The following FAM117B variants were observed in gnomAD, a reference collection of about 807,000 sequenced individuals.
FAM117B encodes family with sequence similarity 117 member B, also known as protein FAM117B.
In FAM117B, 22 loss-of-function variants were observed where a neutral mutation model predicts 52.8. The observed-to-expected ratio is 0.42, with a 90% CI of 0.30 to 0.59. The LOEUF (loss-of-function observed/expected upper bound fraction) is 0.59, where lower values mean the gene tolerates loss of function less well. Among genes scored for constraint, FAM117B ranks in the 20% least tolerant of loss-of-function variants. FAM117B has a pLI of 0.22. For missense variants in FAM117B, 678 were observed against 802.6 expected, an observed-to-expected ratio of 0.84 and a Z score of 1.88; for synonymous variants, 309 against 324.1, an observed-to-expected ratio of 0.95 and a Z score of 0.50.
chr2:202,735,909 T>C (rs1447937400), intron 4 of FAM117B, among the ~76,000 whole-genome samples: 2 of 152,322 alleles, frequency 1.3e-5, no homozygotes, highest in South Asian at 2.1e-4. Flanking sequence ...ACATTAGATA[T>C]ATCTCCTAAT....
chr2:202,742,841 C>T (rs900369583), intron 4 of FAM117B, among the ~76,000 whole-genome samples: 3 of 152,172 alleles, frequency 2.0e-5, no homozygotes, highest in Admixed American at 2.0e-4. Context: ...ATGCACCCTC[C>T]AGTGGCATAA....
chr2:202,652,854 T>A (rs908039958), intron 1 of FAM117B, among the ~76,000 whole-genome samples: 2 of 152,180 alleles, frequency 1.3e-5, no homozygotes, highest in African/African-American at 4.8e-5. Flanking sequence ...GCAGTTAAAC[T>A]TTTTTACCCG....
rs560414099 is a variant in FAM117B, at chr2:202,736,400, G to GTCGAAGGCCACATGGTGGTCTGGAT, written c.960+10039_960+10040insGAAGGCCACATGGTGGTCTGGATTC. Among the ~76,000 whole-genome samples, 271 of 152,296 alleles carry GTCGAAGGCCACATGGTGGTCTGGAT rather than the reference G, an allele frequency of 1.8e-3. 1 individual carries two copies. Among genetic ancestry groups the GTCGAAGGCCACATGGTGGTCTGGAT allele is most frequent in the African/African-American group, 6.4e-3 (266 of 41,566 alleles). On this transcript the variant is annotated intron_variant, in intron 4 of 7. Coordinates refer to ENST00000392238, the MANE Select transcript of FAM117B (RefSeq NM_173511.4). ...AATGAAGGCCACATGGTGGTCTGGA[G>GTCGAAGGCCACATGGTGGTCTGGAT]TCAAAGGCCCTTAAGATTGGAAAGC...
At chr2:202,703,375 A>C (rs760020787) in intron 2 of FAM117B, among the ~76,000 whole-genome samples, 6 of 151,848 alleles carry the variant, frequency 4.0e-5, no homozygotes, top group Non-Finnish European at 8.8e-5. Context: ...ACTTCCTCCT[A>C]CCTCCTTCCC....
chr2:202,683,322 C>A (rs1252356492), intron 1 of FAM117B, among the ~76,000 whole-genome samples: 2 of 151,806 alleles, frequency 1.3e-5, no homozygotes, highest in African/African-American at 4.8e-5. Context: ...GGGTGAGACT[C>A]TGTCTCAAAA....
intron 7 of FAM117B, among the ~76,000 whole-genome samples, chr2:202,762,643 C>T (rs1347472891): frequency 6.6e-6 from 1 of 151,860 alleles, no homozygotes. Flanking sequence ...TTTGAAGTAA[C>T]GTTAGTATTT....
rs1692039720 is a variant in FAM117B, at chr2:202,769,578, C to T, written c.*3814C>T. On this transcript the variant is annotated 3_prime_UTR_variant, in exon 8 of 8. Coordinates refer to ENST00000392238, the MANE Select transcript of FAM117B (RefSeq NM_173511.4). ...TTTTGTCTCTGTGGAAGCTGTGTAACTCTTTTTAAAATGCAATTTAAAACA... is the reference window on the plus strand; with the variant it reads ...TTTTGTCTCTGTGGAAGCTGTGTAATTCTTTTTAAAATGCAATTTAAAACA... 6.6e-6 allele frequency: 1 copy of T among 152,438 alleles called. No individual in the cohort carries two copies. The highest frequency in any genetic ancestry group is 2.4e-5 in the African/African-American group (1 of 41,370). The allele number at this position is 152,438 out of a possible 1,614,324, so 9.4% of individuals were successfully genotyped here.
At chr2:202,652,424 C>T (rs1173704886) in intron 1 of FAM117B, among the ~76,000 whole-genome samples, 1 of 152,154 alleles carries the variant, frequency 6.6e-6, no homozygotes, top group Non-Finnish European at 1.5e-5. Context: ...AGAACCCGTG[C>T]TCACTTTGTG....
At chr2:202,702,506 A>G (rs938518231) in intron 2 of FAM117B, among the ~76,000 whole-genome samples, 8 of 152,226 alleles carry the variant, frequency 5.3e-5, no homozygotes, top group South Asian at 2.1e-4. Flanking sequence ...CATCAAGTCA[A>G]GACCCTCCAC....
intron 1 of FAM117B, among the ~76,000 whole-genome samples, chr2:202,691,698 T>TGTGCGTGC (rs1476079292): frequency 7.6e-6 from 1 of 131,088 alleles, no homozygotes; most frequent in Non-Finnish European, 1.6e-5. Context: ...TGTGTGTGTG[T>TGTGCGTGC]GCGCGCGCGC....
In FAM117B at chr2:202,747,450, G is replaced by A. The variant is rs563238320; in HGVS notation, c.961-8088G>A. 5.3e-5 allele frequency among the ~76,000 whole-genome samples: 8 copies of A among 152,038 alleles called. No homozygotes were observed. In the East Asian group the frequency reaches 5.8e-4, roughly 11 times the overall value. On this transcript the variant is annotated intron_variant, in intron 4 of 7. Coordinates refer to ENST00000392238, the MANE Select transcript of FAM117B (RefSeq NM_173511.4). ...AGCAACCAGATGAAAGAAAAAAAAG[G>A]CATCCAAACTGGAAGACAGAAAGTC... is the stretch of plus-strand genomic sequence containing the variant.
intron 1 of FAM117B, among the ~76,000 whole-genome samples, chr2:202,637,851 T>A (rs1689711253): frequency 6.6e-6 from 1 of 151,496 alleles, no homozygotes; most frequent in African/African-American, 2.4e-5. Flanking sequence ...CACACCAAAA[T>A]TACATGTACT....
intron 1 of FAM117B, among the ~76,000 whole-genome samples, chr2:202,650,755 G>A (rs950578614): frequency 6.6e-6 from 1 of 152,154 alleles, no homozygotes; most frequent in Non-Finnish European, 1.5e-5. Flanking sequence ...ATGTTTAAGG[G>A]CAGAAAGCAT....
chr2:202,675,439 T>G (rs1157980726), intron 1 of FAM117B, among the ~76,000 whole-genome samples: 5 of 88,864 alleles, frequency 5.6e-5, no homozygotes, highest in Admixed American at 2.8e-4. Flanking sequence ...GAGTGAGACC[T>G]TATCTCAAAA....
intron 5 of FAM117B, among the ~76,000 whole-genome samples, chr2:202,756,223 T>C (rs947805971): frequency 6.6e-6 from 1 of 152,018 alleles, no homozygotes; most frequent in Admixed American, 6.6e-5. Context: ...TCAAGACCCA[T>C]CTGGCCAACA....
intron 4 of FAM117B, among the ~76,000 whole-genome samples, chr2:202,753,817 CAAT>C (rs1387323113): frequency 6.7e-6 from 1 of 150,042 alleles, no homozygotes; most frequent in Non-Finnish European, 1.5e-5. Flanking sequence ...ATGAAAACCA[CAAT>C]GTGATACCAT....
At chr2:202,645,489 C>T (rs2105753693) in intron 1 of FAM117B, among the ~76,000 whole-genome samples, 1 of 149,688 alleles carries the variant, frequency 6.7e-6, no homozygotes, top group South Asian at 2.1e-4. Flanking sequence ...CGGGGTTTCA[C>T]TGTGTTAGCC....
intron 4 of FAM117B, among the ~76,000 whole-genome samples, chr2:202,726,937 A>T (rs182536561): frequency 3.2e-4 from 49 of 152,094 alleles, no homozygotes; most frequent in Admixed American, 1.6e-3. Context: ...AGTATAATTT[A>T]AAAAAATGTA....
At chr2:202,647,417 A>T (rs1455862169) in intron 1 of FAM117B, among the ~76,000 whole-genome samples, 2 of 152,208 alleles carry the variant, frequency 1.3e-5, no homozygotes, top group East Asian at 3.8e-4. Flanking sequence ...ATTTATTTCA[A>T]CAAAACGTGT....
Sources: allele counts gnomAD v4.1 joint callset (sites outside exome capture counted in the v4.1 genomes callset), GRCh38; gene constraint gnomAD v4.1.1; transcripts MANE v1.5; gene names NCBI Gene and HGNC (gene_info 2026-07-23, HGNC 2026-07-21).